Variants in MXI1 observed in about 807,000 individuals in gnomAD.
MXI1 encodes the protein max-interacting protein 1.
A neutral mutation model predicts 36.9 loss-of-function variants in MXI1; 18 were observed. That is an observed-to-expected ratio of 0.49 (90% CI 0.34 to 0.72). The LOEUF (loss-of-function observed/expected upper bound fraction) is 0.72. Ranked by LOEUF, MXI1 falls within the 30% of genes least tolerant of loss-of-function variation. The pLI is 0.01. For missense variants in MXI1, 304 were observed against 379.1 expected (o/e 0.80, Z 1.64); for synonymous variants, 160 against 146.7 (o/e 1.09, Z -0.65).
intron 3 of MXI1, among the ~76,000 whole-genome samples, chr10:110,254,712 G>C (rs1856223937): frequency 1.3e-5 from 2 of 152,162 alleles, no homozygotes; most frequent in Admixed American, 6.5e-5. Flanking sequence ...TTAGTAGTCT[G>C]TATAGAAACC....
chr10:110,226,044 CG>C (rs1854954827), intron 1 of MXI1: 1 of 983,378 alleles, frequency 1.0e-6, no homozygotes, highest in Non-Finnish European at 1.2e-6. Context: ...GCGGCTGGCG[CG>C]GCTGGGGCGG....
At chr10:110,232,279 G>A (rs1331680492) in intron 2 of MXI1, among the ~76,000 whole-genome samples, 2 of 152,034 alleles carry the variant, frequency 1.3e-5, no homozygotes, top group African/African-American at 4.8e-5. Context: ...GAATTACATT[G>A]GCCAGCCTTC....
At chr10:110,210,147 CTTGG>C (rs1854475291) in intron 1 of MXI1, 1 of 650,134 alleles carries the variant, frequency 1.5e-6, no homozygotes, top group African/African-American at 2.0e-5. Context: ...GCGCGCCGGG[CTTGG>C]GCTGCCCCGC....
In MXI1 at chr10:110,285,091, A is replaced by G; in HGVS notation, c.*104A>G. 9.9e-7 allele frequency: 1 copy of G among 1,014,648 alleles called. No individual in the cohort carries two copies. Among genetic ancestry groups the G allele is most frequent in the Non-Finnish European group, 1.4e-6 (1 of 734,492 alleles). 62.9% of individuals were successfully genotyped at this position (1,014,648 alleles called of 1,614,324 possible). ...ATGATGCAGTCTCCTCTTTAAAACA[A>G]AACAAAACAAAACAAAACTATACTT... On this transcript the variant is annotated 3_prime_UTR_variant, in exon 6 of 6. Transcript: ENST00000332674.
chr10:110,279,240 C>G lies in MXI1; in HGVS notation c.498C>G (p.Asp166Glu), dbSNP rs1857149747. The change falls in exon 4 of 6, where the codon GAC (aspartate) becomes GAG (glutamate). Residue 166 changes from aspartate to glutamate, a missense_variant. Asp to Glu is a conservative substitution (Grantham distance 45). Coordinates refer to ENST00000332674, the MANE Select transcript of MXI1 (RefSeq NM_130439.3). Reference sequence around the variant, plus strand: ...AAGTTCTGATTCCACTAGGACCAGACTGCACCCGGCACACAACACTTGGTT... The same window carrying G: ...AAGTTCTGATTCCACTAGGACCAGAGTGCACCCGGCACACAACACTTGGTT... The part of the protein sequence containing the change: ...RLKVLIPLGP[D>E]CTRHTTLGLL... 6 of 1,614,092 alleles carry G rather than the reference C, an allele frequency of 3.7e-6. No homozygotes were observed. The Admixed American group carries it at 1.0e-4, about 27-fold the overall frequency.
Position 110,279,952 on chromosome 10 carries a change from C to G in MXI1, c.591C>G (p.Leu197=). Residue 197 remains leucine, a synonymous_variant, in exon 5 of 6, where the codon CTC becomes CTG. Coordinates refer to ENST00000332674, the MANE Select transcript of MXI1 (RefSeq NM_130439.3). ...CTGAAAGAAAAAGCCAGCACCAGCT[C>G]GAGAATTTGGAACGAGAACAGAGAT... ...EEAERKSQHQ[L]ENLEREQRFL... The G allele has an allele frequency of 1.2e-6, 2 of 1,611,574 alleles. No individual in the cohort carries two copies. The highest frequency in any genetic ancestry group is 2.2e-5 in the South Asian group (2 of 90,504).
At chr10:110,263,967 A>G (rs1856602447) in intron 3 of MXI1, among the ~76,000 whole-genome samples, 1 of 152,200 alleles carries the variant, frequency 6.6e-6, no homozygotes, top group Non-Finnish European at 1.5e-5. Context: ...GCTTTAGGAA[A>G]ATATCTCAGG....
chr10:110,251,168 A>C (rs12570837), intron 3 of MXI1, among the ~76,000 whole-genome samples: 4,385 of 151,986 alleles, frequency 0.029, 360 homozygotes, highest in East Asian at 0.28. Context: ...CTATTACATA[A>C]TTCTGTAAGG....
In MXI1 at chr10:110,279,837, T is replaced by C; in HGVS notation, c.553-77T>C. ...CACACATGTATATTCATTCATGTTT[T>C]CTCTGCTAAAGGAGGAATCAGTTTT... On this transcript the variant is annotated intron_variant, in intron 4 of 5. Coordinates refer to ENST00000332674, the MANE Select transcript of MXI1 (RefSeq NM_130439.3). 16 of 1,123,604 alleles carry C rather than the reference T, an allele frequency of 1.4e-5. 1 individual carries two copies. The South Asian group carries it at 2.8e-4, about 19-fold the overall frequency. The allele number at this position is 1,123,604 out of a possible 1,614,324, so 69.6% of individuals were successfully genotyped here.
At chr10:110,280,551 G>A (rs1366972958) in intron 5 of MXI1, among the ~76,000 whole-genome samples, 1 of 151,818 alleles carries the variant, frequency 6.6e-6, no homozygotes, top group Admixed American at 6.6e-5. Context: ...GTGGTGGCAG[G>A]CGCCTGTAGT....
intron 1 of MXI1, among the ~76,000 whole-genome samples, chr10:110,218,617 C>G (rs1854717767): frequency 6.6e-6 from 1 of 152,122 alleles, no homozygotes; most frequent in South Asian, 2.1e-4. Flanking sequence ...AGCCAAATGG[C>G]TCCTTTCTCT....
rs1421138339 is a variant in MXI1 at position 110,279,292 on chromosome 10, A to G, written c.550A>G (p.Lys184Glu). 6.8e-6 allele frequency: 11 copies of G among 1,613,484 alleles called. No homozygotes were observed. Among genetic ancestry groups the G allele is most frequent in the Non-Finnish European group, 8.5e-6 (10 of 1,179,366 alleles). Residue 184 changes from lysine (K) to glutamate (E), a missense_variant and splice_region_variant, in exon 4 of 6, where the codon AAG becomes GAG. Around this residue, in one of 2 missense-constraint regions of MXI1, gnomAD observed 125 missense variants for 194.3 expected, o/e 0.64. Coordinates refer to ENST00000332674, the MANE Select transcript of MXI1 (RefSeq NM_130439.3). ...GCTCAACAAAGCCAAAGCACACATCAAGGTGAGAATTTTTACTTTCAGATT... is the reference window on the plus strand; with the variant it reads ...GCTCAACAAAGCCAAAGCACACATCGAGGTGAGAATTTTTACTTTCAGATT... ...GLLNKAKAHI[K>E]KLEEAERKSQ...
intron 3 of MXI1, among the ~76,000 whole-genome samples, chr10:110,256,531 C>T (rs565914421): frequency 7.6e-6 from 1 of 130,958 alleles, no homozygotes; most frequent in East Asian, 2.3e-4. Context: ...TGAACCAAGG[C>T]AGCAGAGGTT....
At chr10:110,208,268 G>T (rs1057424798) in intron 1 of MXI1, 186 bp downstream of exon 1, 28 of 557,048 alleles carry the variant, frequency 5.0e-5, no homozygotes, top group Admixed American at 2.2e-4. Flanking sequence ...ATGTAACAAA[G>T]ACGGGCGAGG....
intron 3 of MXI1, among the ~76,000 whole-genome samples, chr10:110,273,200 A>G (rs2419316): frequency 0.11 from 16,309 of 151,870 alleles, 1,588 homozygotes; most frequent in East Asian, 0.39. Context: ...GGCATGTGCC[A>G]CCACGCCTGG....
intron 1 of MXI1, among the ~76,000 whole-genome samples, chr10:110,221,559 AAAAGAAGG>A (rs1854807168): frequency 6.6e-6 from 1 of 152,216 alleles, no homozygotes; most frequent in Non-Finnish European, 1.5e-5. Context: ...GTTCATGCAA[AAAAGAAGG>A]AAAAGGACAT....
intron 1 of MXI1, chr10:110,210,201 C>A: frequency 1.0e-6 from 1 of 973,184 alleles, no homozygotes; most frequent in Non-Finnish European, 1.2e-6. Flanking sequence ...GCTCCAGAGG[C>A]TGGTGAAGCC....
intron 1 of MXI1, among the ~76,000 whole-genome samples, chr10:110,221,429 C>T (rs1005953954): frequency 6.6e-6 from 1 of 152,306 alleles, no homozygotes; most frequent in African/African-American, 2.4e-5. Flanking sequence ...GCAAAATCCT[C>T]CCAAATACCT....
At chr10:110,220,961 A>G (rs947417157) in intron 1 of MXI1, among the ~76,000 whole-genome samples, 1 of 152,324 alleles carries the variant, frequency 6.6e-6, no homozygotes, top group East Asian at 1.9e-4. Flanking sequence ...CAAATGTTGA[A>G]AAGTATTTGG....
Sources: allele counts gnomAD v4.1 joint callset (sites outside exome capture counted in the v4.1 genomes callset), GRCh38; gene constraint gnomAD v4.1.1; regional missense constraint gnomAD v4.1.1; transcripts MANE v1.5; gene names NCBI Gene and HGNC (gene_info 2026-07-23, HGNC 2026-07-21).